Variants in DYNC1I1 observed in about 807,000 individuals in gnomAD.
DYNC1I1 encodes dynein cytoplasmic 1 intermediate chain 1, also known as cytoplasmic dynein 1 intermediate chain 1.
A neutral mutation model predicts 86.6 loss-of-function variants in DYNC1I1; 43 were observed. The ratio of observed to expected loss-of-function variants is 0.50; its 90% CI spans 0.39 to 0.64. The LOEUF is 0.64. DYNC1I1 is among the 30% of genes least tolerant of loss of function. The probability of loss-of-function intolerance (pLI) is 0.00; values close to 1 mark genes in which losing one functional copy is unlikely to be tolerated. For synonymous variants in DYNC1I1, 262 were observed against 283.7 expected, an observed-to-expected ratio of 0.92 and a Z score of 0.77; for missense variants, 604 against 788.8, an observed-to-expected ratio of 0.77 and a Z score of 2.81.
At chr7:95,917,773 G>A (rs994418112) in intron 6 of DYNC1I1, among the ~76,000 whole-genome samples, 3 of 152,204 alleles carry the variant, frequency 2.0e-5, no homozygotes, top group African/African-American at 7.2e-5. Context: ...CTGGGCACTC[G>A]CCGTCCTTCA....
chr7:96,086,605 G>A (rs573512992), intron 16 of DYNC1I1, among the ~76,000 whole-genome samples: 2 of 152,092 alleles, frequency 1.3e-5, no homozygotes, highest in East Asian at 1.9e-4. Context: ...TGTTTGATAC[G>A]ACTATTTGGG....
At chr7:95,852,070 G>A (rs1299096785) in intron 5 of DYNC1I1, among the ~76,000 whole-genome samples, 1 of 152,096 alleles carries the variant, frequency 6.6e-6, no homozygotes, top group African/African-American at 2.4e-5. Context: ...TTGCAACAGA[G>A]AAAAAATTGC....
intron 6 of DYNC1I1, among the ~76,000 whole-genome samples, chr7:95,933,406 A>G (rs527610567): frequency 2.6e-5 from 4 of 152,290 alleles, no homozygotes; most frequent in African/African-American, 4.8e-5. Context: ...GCAGCCTCAG[A>G]TGAAGCCATT....
intron 6 of DYNC1I1, among the ~76,000 whole-genome samples, chr7:95,926,992 A>G (rs1791763248): frequency 6.6e-6 from 1 of 152,188 alleles, no homozygotes; most frequent in Non-Finnish European, 1.5e-5. Flanking sequence ...CGAACAAATT[A>G]TATACTCAAA....
intron 5 of DYNC1I1, among the ~76,000 whole-genome samples, chr7:95,833,288 G>A (rs1422836910): frequency 1.2e-4 from 18 of 146,694 alleles, no homozygotes; most frequent in African/African-American, 2.8e-4. Context: ...GTAGATATGC[G>A]GCATTATTTC....
intron 1 of DYNC1I1, among the ~76,000 whole-genome samples, chr7:95,801,563 G>A (rs1794578098): frequency 6.6e-6 from 1 of 152,128 alleles, no homozygotes; most frequent in South Asian, 2.1e-4. Flanking sequence ...AAAAGCTGGG[G>A]AAATGTGGAG....
intron 14 of DYNC1I1, among the ~76,000 whole-genome samples, chr7:96,059,618 T>C (rs891676626): frequency 6.6e-6 from 1 of 151,804 alleles, no homozygotes; most frequent in Non-Finnish European, 1.5e-5. Context: ...CAAAAAAAAA[T>C]GAAACAGATC....
At chr7:95,812,298 T>C (rs1400025245) in intron 3 of DYNC1I1, among the ~76,000 whole-genome samples, 2 of 152,160 alleles carry the variant, frequency 1.3e-5, no homozygotes, top group Admixed American at 6.6e-5. Flanking sequence ...CTCTGGCATA[T>C]GTGATATTGA....
At chr7:96,007,877 T>C (rs1043079077) in intron 10 of DYNC1I1, among the ~76,000 whole-genome samples, 3 of 152,174 alleles carry the variant, frequency 2.0e-5, no homozygotes, top group African/African-American at 7.2e-5. Context: ...GCCTGTTTAT[T>C]TGGGGACTGA....
At chr7:95,865,454 A>G (rs1789993446) in intron 5 of DYNC1I1, among the ~76,000 whole-genome samples, 1 of 152,006 alleles carries the variant, frequency 6.6e-6, no homozygotes, top group African/African-American at 2.4e-5. Flanking sequence ...TCAAACATTT[A>G]TTTAGTGCCT....
intron 5 of DYNC1I1, among the ~76,000 whole-genome samples, chr7:95,847,059 A>G (rs1789451991): frequency 6.6e-6 from 1 of 152,170 alleles, no homozygotes; most frequent in African/African-American, 2.4e-5. Context: ...ACCCCAAAGA[A>G]AAGGTATTTC....
chr7:95,930,636 A>G (rs1791867449), intron 6 of DYNC1I1, among the ~76,000 whole-genome samples: 1 of 152,214 alleles, frequency 6.6e-6, no homozygotes, highest in Non-Finnish European at 1.5e-5. Flanking sequence ...TTTAGAAATT[A>G]CAAGATTGTT....
At chr7:95,984,139 A>C (rs552921620) in intron 7 of DYNC1I1, among the ~76,000 whole-genome samples, 1 of 152,280 alleles carries the variant, frequency 6.6e-6, no homozygotes, top group South Asian at 2.1e-4. Flanking sequence ...ATTTAGTTTG[A>C]TAAGATTAAT....
chr7:95,822,775 A>C (rs1795105203), intron 4 of DYNC1I1, among the ~76,000 whole-genome samples: 6 of 152,218 alleles, frequency 3.9e-5, no homozygotes, highest in Admixed American at 3.9e-4. Context: ...TAAGCAAACA[A>C]ACAACACCAG....
intron 6 of DYNC1I1, among the ~76,000 whole-genome samples, chr7:95,962,764 C>G (rs1307426487): frequency 1.3e-5 from 2 of 152,092 alleles, no homozygotes; most frequent in Admixed American, 6.6e-5. Context: ...GTGAATAAGA[C>G]CATACTTTCC....
chr7:95,859,833 G>C (rs1789828428), intron 5 of DYNC1I1, among the ~76,000 whole-genome samples: 1 of 152,198 alleles, frequency 6.6e-6, no homozygotes, highest in Non-Finnish European at 1.5e-5. Flanking sequence ...ATGAGGGCCT[G>C]CCTGGTGCTG....
chr7:95,943,198 C>T (rs1234990875), intron 6 of DYNC1I1, among the ~76,000 whole-genome samples: 1 of 151,564 alleles, frequency 6.6e-6, no homozygotes, highest in Non-Finnish European at 1.5e-5. Flanking sequence ...AATCAATGTA[C>T]AAAAATCACA....
chr7:95,860,030 G>A (rs1444765339), intron 5 of DYNC1I1, among the ~76,000 whole-genome samples: 1 of 152,136 alleles, frequency 6.6e-6, no homozygotes, highest in Admixed American at 6.5e-5. Context: ...GCTACAACCA[G>A]GTTCTATGAT....
intron 10 of DYNC1I1, among the ~76,000 whole-genome samples, chr7:96,000,092 C>G (rs1793972983): frequency 6.6e-6 from 1 of 152,134 alleles, no homozygotes; most frequent in Non-Finnish European, 1.5e-5. Flanking sequence ...AGGGCATCTT[C>G]TAAGCTTTTC....
Sources: gnomAD v4.1 joint callset for allele counts (sites outside exome capture counted in the v4.1 genomes callset) on GRCh38, gnomAD v4.1.1 for gene constraint, MANE v1.5 for transcripts, NCBI Gene and HGNC (gene_info 2026-07-23, HGNC 2026-07-21) for gene names.